The following LRRC4C variants were observed in gnomAD, a reference collection of about 807,000 sequenced individuals.
LRRC4C encodes leucine-rich repeat-containing protein 4C.
In LRRC4C, 5 loss-of-function variants were observed where a neutral mutation model predicts 33.6. The ratio of observed to expected loss-of-function variants is 0.15; its 90% CI spans 0.08 to 0.31. LRRC4C has a LOEUF of 0.31. LRRC4C is among the 10% of genes least tolerant of loss of function. The pLI is 1.00. For synonymous variants in LRRC4C, 329 were observed against 302.0 expected (o/e 1.09, Z -0.93); for missense variants, 560 against 796.7 (o/e 0.70, Z 3.58).
At chr11:41,325,145 A>C (rs1268617765) in intron 1 of LRRC4C, among the ~76,000 whole-genome samples, 1 of 152,186 alleles carries the variant, frequency 6.6e-6, no homozygotes, top group Non-Finnish European at 1.5e-5. Context: ...ACTTTTGCCT[A>C]AGAAGAGTGT....
chr11:40,476,493 A>G lies in LRRC4C; in HGVS notation c.-269-156772T>C, dbSNP rs1953240866. Among the ~76,000 whole-genome samples the G allele has an allele frequency of 2.0e-5, 3 of 151,564 alleles. No individual in the cohort carries two copies. The South Asian group carries it at 6.3e-4, about 32-fold the overall frequency. ...CCCAAGTAGCTGGGACTACGGGCAC[A>G]TGCCACCATGTCTGGCTAATTTTTG... is the stretch of plus-strand genomic sequence containing the variant. On this transcript the variant is annotated intron_variant, in intron 3 of 6. Coordinates refer to ENST00000528697, the MANE Select transcript of LRRC4C (RefSeq NM_001258419.2).
intron 4 of LRRC4C, among the ~76,000 whole-genome samples, chr11:40,278,826 TTACCTC>T (rs1943286355): frequency 6.6e-6 from 1 of 152,178 alleles, no homozygotes; most frequent in Non-Finnish European, 1.5e-5. Context: ...ATAATTCCTG[TTACCTC>T]TCAATAGCCC....
intron 3 of LRRC4C, among the ~76,000 whole-genome samples, chr11:40,413,929 A>T (rs910258203): frequency 6.6e-6 from 1 of 152,082 alleles, no homozygotes; most frequent in Non-Finnish European, 1.5e-5. Flanking sequence ...CAAGGTCTTG[A>T]TTCTCTCCTT....
rs79395656 is a variant in LRRC4C, at chr11:40,737,544, C to G, written c.-406-89266G>C. ...AGTCTCAGGATACAAGATCTACGTG[C>G]GAAAATCACAAGCATTCCTATACAC... On this transcript the variant is annotated intron_variant, in intron 2 of 6. Coordinates refer to ENST00000528697, the MANE Select transcript of LRRC4C (RefSeq NM_001258419.2). Among the ~76,000 whole-genome samples the G allele has an allele frequency of 9.2e-3, 1,384 of 151,008 alleles. 23 individuals are homozygous for G. Among genetic ancestry groups the G allele is most frequent in the African/African-American group, 0.032 (1,313 of 41,158 alleles).
chr11:40,766,165 A>C (rs921042944), intron 2 of LRRC4C, among the ~76,000 whole-genome samples: 4 of 151,444 alleles, frequency 2.6e-5, no homozygotes, highest in Non-Finnish European at 5.9e-5. Flanking sequence ...CAGGAGAGAG[A>C]AAGTTTGAAA....
At chr11:40,195,069 C>T (rs551981990) in intron 5 of LRRC4C, among the ~76,000 whole-genome samples, 6 of 148,798 alleles carry the variant, frequency 4.0e-5, no homozygotes, top group South Asian at 4.2e-4. Flanking sequence ...CCAGCCTGGG[C>T]GACAGAGTGA....
chr11:40,136,599 T>C (rs1231438580), intron 6 of LRRC4C, among the ~76,000 whole-genome samples: 1 of 152,086 alleles, frequency 6.6e-6, no homozygotes, highest in Non-Finnish European at 1.5e-5. Flanking sequence ...TTTTCTTACC[T>C]ACTCGCTTCA....
intron 1 of LRRC4C, among the ~76,000 whole-genome samples, chr11:41,317,683 G>A (rs753389517): frequency 6.6e-6 from 1 of 151,932 alleles, no homozygotes; most frequent in East Asian, 1.9e-4. Flanking sequence ...AGGAACAAGG[G>A]GCTGCTGGAA....
intron 3 of LRRC4C, among the ~76,000 whole-genome samples, chr11:40,496,790 TC>T (rs1457777508): frequency 6.6e-6 from 1 of 152,170 alleles, no homozygotes; most frequent in Non-Finnish European, 1.5e-5. Flanking sequence ...CCAATCACCC[TC>T]CGACCCAGCG....
chr11:40,202,213 CAAAAAAAAAAAAAAA>C (rs35644436), intron 5 of LRRC4C, among the ~76,000 whole-genome samples: 1 of 65,014 alleles, frequency 1.5e-5, no homozygotes, highest in African/African-American at 5.9e-5. Flanking sequence ...GTGTGATTAC[CAAAAAAAAAAAAAAA>C]AAAAAAAAAA....
rs184387111 is a variant in LRRC4C, at chr11:40,592,864, C to T, written c.-270+55278G>A. On this transcript the variant is annotated intron_variant, in intron 3 of 6. Transcript: ENST00000528697. The stretch of plus-strand genomic sequence containing the variant: ...TATCTTGTCTTTGGTTGAGAGAATG[C>T]TGACTATTTCAAGCAACACTTCAGG... Among the ~76,000 whole-genome samples, 3 of 152,250 alleles carry T rather than the reference C, an allele frequency of 2.0e-5. No individual in the cohort carries two copies. In the East Asian group the frequency reaches 5.8e-4, roughly 29 times the overall value.
chr11:40,714,882 T>A (rs7125762), intron 2 of LRRC4C, among the ~76,000 whole-genome samples: 37,290 of 152,072 alleles, frequency 0.25, 4,710 homozygotes, highest in Middle Eastern at 0.27. Context: ...TATATGGAAA[T>A]AATGATATGC....
rs949895416 is a variant in LRRC4C, at chr11:40,616,923, C to CA, written c.-270+31218dup. On this transcript the variant is annotated intron_variant, in intron 3 of 6. Coordinates refer to ENST00000528697, the MANE Select transcript of LRRC4C (RefSeq NM_001258419.2). ...CTTAAAGTATAAAAAAAAAAACTGC[C>CA]AAAAAAAAAAGAAAGAAAGAGAATA... Among the ~76,000 whole-genome samples the CA allele has an allele frequency of 1.7e-3, 245 of 143,866 alleles. 1 individual carries two copies. Among genetic ancestry groups the CA allele is most frequent in the Admixed American group, 4.0e-3 (58 of 14,352 alleles). The allele number at this position is 143,866 out of a possible 152,430, so 94.4% of individuals were successfully genotyped here.
chr11:41,275,702 C>T (rs1207391657), intron 1 of LRRC4C, among the ~76,000 whole-genome samples: 1 of 152,130 alleles, frequency 6.6e-6, no homozygotes, highest in Non-Finnish European at 1.5e-5. Flanking sequence ...CACTGCTACA[C>T]TGTTTGTTAT....
At chr11:40,679,018 A>C (rs555518492) in intron 2 of LRRC4C, among the ~76,000 whole-genome samples, 1 of 152,290 alleles carries the variant, frequency 6.6e-6, no homozygotes, top group South Asian at 2.1e-4. Flanking sequence ...CTTTGACAAA[A>C]ATGCTGATAG....
rs140987729 is a variant in LRRC4C at position 40,136,539 on chromosome 11, G to T, written c.-43+4262C>A. 9.1e-3 allele frequency among the ~76,000 whole-genome samples: 1,374 copies of T among 151,428 alleles called. 8 individuals carry two copies. The highest frequency in any genetic ancestry group is 0.014 in the Non-Finnish European group (949 of 67,894). ...GACCCGCCCACCTCGGCCTCCCAAA[G>T]TGCTGGGATTACAGGTGTGAGCCAC... On this transcript the variant is annotated intron_variant, in intron 6 of 6. Coordinates refer to ENST00000528697, the MANE Select transcript of LRRC4C (RefSeq NM_001258419.2).
chr11:41,042,271 G>A (rs1292706738), intron 1 of LRRC4C, among the ~76,000 whole-genome samples: 1 of 152,068 alleles, frequency 6.6e-6, no homozygotes. Flanking sequence ...CCTTCCATGA[G>A]ACTAGAAACC....
intron 3 of LRRC4C, among the ~76,000 whole-genome samples, chr11:40,633,371 T>TTCTCTC (rs1555125586): frequency 0.024 from 2,306 of 96,270 alleles, 87 homozygotes; most frequent in East Asian, 0.073. Context: ...CTTTCTTTCT[T>TTCTCTC]TCTCTCTCTT....
intron 2 of LRRC4C, among the ~76,000 whole-genome samples, chr11:40,881,733 A>T (rs1955187279): frequency 6.6e-6 from 1 of 151,988 alleles, no homozygotes; most frequent in Non-Finnish European, 1.5e-5. Context: ...CTAGATGTAA[A>T]ATTTTAATCA....
Sources: allele counts gnomAD v4.1 joint callset (sites outside exome capture counted in the v4.1 genomes callset), GRCh38; gene constraint gnomAD v4.1.1; transcripts MANE v1.5; gene names NCBI Gene and HGNC (gene_info 2026-07-23, HGNC 2026-07-21).